Variants in STAG2 observed in about 807,000 individuals in gnomAD.
STAG2 encodes the protein cohesin subunit SA-2.
Under a neutral mutation model 108.1 loss-of-function variants are expected in STAG2, and 14 were observed. The observed-to-expected ratio is 0.13, with a 90% confidence interval of 0.09 to 0.20. STAG2 has a LOEUF of 0.20. Among genes scored for constraint, STAG2 ranks in the 10% least tolerant of loss-of-function variants. The pLI, the probability that STAG2 is intolerant of heterozygous loss-of-function variation, is 1.00. For synonymous variants in STAG2, 307 were observed against 302.7 expected (o/e 1.01, Z -0.15); for missense variants, 440 against 940.9 (o/e 0.47, Z 6.96).
At chrX:124,014,648 ACTG>A (rs2056640554) in intron 1 of STAG2, among the ~76,000 whole-genome samples, 1 of 111,825 alleles carries the variant, frequency 8.9e-6, no homozygotes, top group Non-Finnish European at 1.9e-5. Flanking sequence ...GGCCTGAGCT[ACTG>A]CACCCGGCCT....
chrX:124,008,818 C>T (rs748046080), intron 1 of STAG2, among the ~76,000 whole-genome samples: 4 of 111,680 alleles, frequency 3.6e-5, no homozygotes, highest in Non-Finnish European at 5.6e-5. Flanking sequence ...ATAATCTTCT[C>T]AATCATGTTG....
Position 124,022,681 on chromosome X carries a change from T to A in STAG2, c.44+10T>A, listed in dbSNP as rs776206235. On this transcript the variant is annotated intron_variant, in intron 3 of 34. Transcript: ENST00000371145. ...ATTTTAATCTACTACAGTAAGTAAA[T>A]TATATTCTGATAATTTTTAAATACT... The A allele has an allele frequency of 7.3e-6, 8 of 1,098,691 alleles. No homozygotes were observed. In the East Asian group the frequency reaches 2.5e-4, roughly 34 times the overall value. 90.5% of individuals were successfully genotyped at this position (1,098,691 alleles called of 1,213,427 possible). A position where few individuals can be genotyped will look rare whatever the true frequency, so the allele number is the denominator to read the frequency against.
At chrX:124,034,705 T>C (rs1027263786) in intron 5 of STAG2, among the ~76,000 whole-genome samples, 7 of 111,475 alleles carry the variant, frequency 6.3e-5, no homozygotes, top group Non-Finnish European at 1.3e-4. Flanking sequence ...CAGACACTAC[T>C]ACTTTTCCTT....
At chrX:124,041,776 A>G (rs904937586) in intron 6 of STAG2, among the ~76,000 whole-genome samples, 1 of 111,395 alleles carries the variant, frequency 9.0e-6, no homozygotes, top group African/African-American at 3.3e-5. Flanking sequence ...ATGTTTTACT[A>G]CTTCTAATGT....
intron 1 of STAG2, among the ~76,000 whole-genome samples, chrX:123,976,246 C>T (rs894944413): frequency 3.6e-5 from 4 of 111,382 alleles, no homozygotes; most frequent in Non-Finnish European, 7.5e-5. Context: ...TGCACTCCAA[C>T]CTGGGTGACA....
At chrX:124,030,801 A>G (rs2057308661) in intron 4 of STAG2, among the ~76,000 whole-genome samples, 160 bp from the exon 5 acceptor site, 1 of 111,494 alleles carries the variant, frequency 9.0e-6, no homozygotes, top group Non-Finnish European at 1.9e-5. Context: ...TGGACACCAC[A>G]AAGAGGCTGT....
intron 27 of STAG2, among the ~76,000 whole-genome samples, chrX:124,079,946 G>T (rs1194358494): frequency 6.7e-5 from 7 of 103,864 alleles, no homozygotes; most frequent in South Asian, 4.1e-4. Context: ...TTTTTTTTTT[G>T]GAGCAGGAGA....
At chrX:124,030,902 T>C in intron 4 of STAG2, 59 bp from the exon 5 acceptor site, 1 of 1,095,334 alleles carries the variant, frequency 9.1e-7, no homozygotes, top group Admixed American at 3.1e-5. Flanking sequence ...CTACTGTAGC[T>C]GTGTTTTGAA....
At chrX:124,017,793 A>G (rs912880091) in intron 1 of STAG2, among the ~76,000 whole-genome samples, 2 of 111,812 alleles carry the variant, frequency 1.8e-5, no homozygotes, top group Non-Finnish European at 3.8e-5. Flanking sequence ...ATAAATATAT[A>G]CTAATTATGG....
chrX:124,080,045 T>C (rs1373761614), intron 27 of STAG2, among the ~76,000 whole-genome samples: 5 of 111,290 alleles, frequency 4.5e-5, no homozygotes, highest in African/African-American at 1.6e-4. Context: ...GCATGATGTT[T>C]TGATAGGTAT....
At chrX:123,970,548 C>T (rs2054310046) in intron 1 of STAG2, among the ~76,000 whole-genome samples, 1 of 111,668 alleles carries the variant, frequency 9.0e-6, no homozygotes, top group Non-Finnish European at 1.9e-5. Flanking sequence ...CTAATATGGC[C>T]TCTATTAAAA....
intron 29 of STAG2, 102 bp from the exon 30 acceptor site, chrX:124,086,445 G>C (rs779979330): frequency 7.0e-6 from 4 of 570,937 alleles, no homozygotes; most frequent in African/African-American, 2.3e-5. Flanking sequence ...CTGTAAGGCT[G>C]AGTTTGAGTA....
At chrX:124,055,983 T>A in intron 13 of STAG2, 145 bp from the exon 14 acceptor site, 1 of 257,259 alleles carries the variant, frequency 3.9e-6, no homozygotes, top group East Asian at 5.5e-5. Flanking sequence ...GGTAATTAAA[T>A]AAGCTTGATT....
intron 23 of STAG2, among the ~76,000 whole-genome samples, chrX:124,067,393 T>C (rs2058563445): frequency 9.3e-6 from 1 of 107,314 alleles, no homozygotes; most frequent in Non-Finnish European, 1.9e-5. Context: ...CTCAGCCTCC[T>C]AAGTAGCTGA....
At chrX:124,026,182 A>G (rs2057098151) in intron 4 of STAG2, among the ~76,000 whole-genome samples, 1 of 106,190 alleles carries the variant, frequency 9.4e-6, no homozygotes, top group East Asian at 2.9e-4. Context: ...CATTTCCAGT[A>G]GTTTATTTCG....
At chrX:124,046,058 T>C in intron 8 of STAG2, among the ~76,000 whole-genome samples, 1 of 112,045 alleles carries the variant, frequency 8.9e-6, no homozygotes, top group South Asian at 3.7e-4. Flanking sequence ...TCTTTTGTGC[T>C]TAAGGTAAAA....
At chrX:124,034,411 T>A (rs1278517466) in intron 5 of STAG2, among the ~76,000 whole-genome samples, 2 of 111,925 alleles carry the variant, frequency 1.8e-5, no homozygotes, top group African/African-American at 6.5e-5. Flanking sequence ...TGGAATCTTT[T>A]CAACAATTTT....
At chrX:123,974,167 C>T (rs1199324059) in intron 1 of STAG2, among the ~76,000 whole-genome samples, 4 of 110,873 alleles carry the variant, frequency 3.6e-5, no homozygotes, top group Non-Finnish European at 7.6e-5. Flanking sequence ...CCTTGGAATG[C>T]TTCAGTCTTT....
chrX:124,084,580 A>G (rs1267767102), intron 29 of STAG2, among the ~76,000 whole-genome samples: 1 of 111,306 alleles, frequency 9.0e-6, no homozygotes, highest in Admixed American at 9.6e-5. Flanking sequence ...GGCCTCGCAA[A>G]GTGCTGGGAT....
Sources: allele counts gnomAD v4.1 joint callset (sites outside exome capture counted in the v4.1 genomes callset), GRCh38; gene constraint gnomAD v4.1.1; transcripts MANE v1.5; gene names NCBI Gene and HGNC (gene_info 2026-07-23, HGNC 2026-07-21).